The following DMD variants were observed in gnomAD, a reference collection of about 807,000 sequenced individuals.
The protein encoded by DMD is mutant dystrophin.
Under a neutral mutation model 330.1 loss-of-function variants are expected in DMD, and 63 were observed. The observed-to-expected ratio is 0.19, with a 90% confidence interval of 0.16 to 0.24. DMD has a LOEUF of 0.24. Among genes scored for constraint, DMD ranks in the 10% least tolerant of loss-of-function variants. DMD has a pLI of 1.00. For synonymous variants in DMD, 1,223 were observed against 959.8 expected, an observed-to-expected ratio of 1.27 and a Z score of -5.07; for missense variants, 3,344 against 2,684.1, an observed-to-expected ratio of 1.25 and a Z score of -5.43.
intron 29 of DMD, among the ~76,000 whole-genome samples, chrX:32,431,816 C>A (rs996777122): frequency 1.8e-5 from 2 of 110,884 alleles, no homozygotes; most frequent in East Asian, 5.7e-4. Context: ...AGTAAACTCA[C>A]CGTTCGTTGT....
At chrX:32,255,663 C>T (rs2048420040) in intron 43 of DMD, among the ~76,000 whole-genome samples, 1 of 112,075 alleles carries the variant, frequency 8.9e-6, no homozygotes, top group African/African-American at 3.2e-5. Flanking sequence ...TCTCGGCCTA[C>T]ATATGAGAAA....
rs780150319 is a variant in DMD at position 32,809,447 on chromosome X, A to C, written c.649+46T>G. 31 of 1,048,801 alleles carry C rather than the reference A, an allele frequency of 3.0e-5. No individual in the cohort carries two copies. In the South Asian group the frequency reaches 5.6e-4, roughly 19 times the overall value. 86.4% of individuals were successfully genotyped at this position (1,048,801 alleles called of 1,213,427 possible). On this transcript the variant is annotated intron_variant, in intron 7 of 78. Coordinates refer to ENST00000357033, the MANE Select transcript of DMD (RefSeq NM_004006.3). ...ATGACAAGTCTCAGATGAAAACATT[A>C]AACTCTACCATACTAAAAGCAGTGG...
At chrX:31,828,605 A>T (rs1342653545) in intron 49 of DMD, among the ~76,000 whole-genome samples, 1 of 105,163 alleles carries the variant, frequency 9.5e-6, no homozygotes, top group East Asian at 3.0e-4. Flanking sequence ...TGGAGGTTGC[A>T]GTGAGCCAAG....
intron 23 of DMD, among the ~76,000 whole-genome samples, chrX:32,467,649 T>TATATAC (rs1411191353): frequency 1.0e-5 from 1 of 95,950 alleles, no homozygotes; most frequent in South Asian, 4.7e-4. Flanking sequence ...TATATATATA[T>TATATAC]ACACACATAT....
At chrX:32,547,007 A>C (rs1274259605) in intron 16 of DMD, among the ~76,000 whole-genome samples, 1 of 110,558 alleles carries the variant, frequency 9.0e-6, no homozygotes, top group Admixed American at 9.8e-5. Context: ...CCATGAGAAA[A>C]CTTGCTTTGC....
chrX:32,839,735 T>A (rs1342607640), intron 4 of DMD, among the ~76,000 whole-genome samples: 4 of 111,411 alleles, frequency 3.6e-5, no homozygotes, highest in African/African-American at 1.3e-4. Flanking sequence ...AATGCATTTT[T>A]TTTTTTTCAC....
At chrX:31,379,407 C>T (rs1166874831) in intron 60 of DMD, among the ~76,000 whole-genome samples, 7 of 111,089 alleles carry the variant, frequency 6.3e-5, no homozygotes, top group Non-Finnish European at 1.3e-4. Context: ...TCTTTTTCAT[C>T]AAATAAAAAA....
At chrX:31,404,018 C>T (rs1315353871) in intron 60 of DMD, among the ~76,000 whole-genome samples, 2 of 109,984 alleles carry the variant, frequency 1.8e-5, no homozygotes, top group African/African-American at 6.7e-5. Flanking sequence ...ATTTCTCCCT[C>T]CCTTCCTACC....
At chrX:33,239,945 A>G (rs765671041) in intron 1 of DMD, among the ~76,000 whole-genome samples, 1 of 111,164 alleles carries the variant, frequency 9.0e-6, no homozygotes, top group African/African-American at 3.3e-5. Context: ...TACTGTATAA[A>G]ATTACCTCAA....
intron 9 of DMD, among the ~76,000 whole-genome samples, chrX:32,654,064 G>A (rs376890862): frequency 9.0e-6 from 1 of 111,703 alleles, no homozygotes; most frequent in Admixed American, 9.5e-5. Flanking sequence ...AGACAATGGG[G>A]TTTTCTAGAT....
chrX:31,540,896 C>T (rs2073762282), intron 55 of DMD, among the ~76,000 whole-genome samples: 1 of 112,109 alleles, frequency 8.9e-6, no homozygotes, highest in South Asian at 3.7e-4. Context: ...ATCTTAATTT[C>T]CAAAACTGTT....
chrX:32,297,707 A>T (rs1184025626), intron 42 of DMD, among the ~76,000 whole-genome samples: 1 of 112,087 alleles, frequency 8.9e-6, no homozygotes, highest in East Asian at 2.8e-4. Context: ...ACTCAGTTAG[A>T]TAGTGGTTAA....
chrX:32,936,001 C>A lies in DMD; in HGVS notation c.93+84138G>T, dbSNP rs191647959. ...AAAGGAAGAGGCAAGATTTAAAAGA[C>A]CTTATTAAGCTTTTAAAATGTTTTA... On this transcript the variant is annotated intron_variant, in intron 2 of 78. Transcript: ENST00000357033. Among the ~76,000 whole-genome samples the A allele has an allele frequency of 4.5e-5, 5 of 111,763 alleles. No individual in the cohort carries two copies. The East Asian group carries it at 8.4e-4, about 19-fold the overall frequency.
chrX:31,373,300 AC>A (rs2059698111), intron 60 of DMD, among the ~76,000 whole-genome samples: 1 of 104,180 alleles, frequency 9.6e-6, no homozygotes, highest in South Asian at 4.8e-4. Context: ...GACTTTCTTC[AC>A]AGAATTGGAA....
intron 1 of DMD, among the ~76,000 whole-genome samples, chrX:33,166,134 T>G (rs932483915): frequency 4.5e-5 from 5 of 111,112 alleles, no homozygotes; most frequent in African/African-American, 1.6e-4. Flanking sequence ...TCAAGAGAGA[T>G]CTCAGTAGTA....
chrX:31,660,990 T>G (rs777608518), intron 53 of DMD, among the ~76,000 whole-genome samples: 1 of 111,679 alleles, frequency 9.0e-6, no homozygotes, highest in Non-Finnish European at 1.9e-5. Flanking sequence ...ATGCCTAAAA[T>G]TATAAATTAT....
At chrX:32,321,663 C>A (rs760066053) in intron 41 of DMD, among the ~76,000 whole-genome samples, 2 of 111,473 alleles carry the variant, frequency 1.8e-5, no homozygotes, top group South Asian at 7.5e-4. Context: ...CAGATCAAAA[C>A]AACAACAACA....
chrX:32,634,200 C>T (rs2058934564), intron 11 of DMD, among the ~76,000 whole-genome samples: 1 of 111,870 alleles, frequency 8.9e-6, no homozygotes, highest in African/African-American at 3.3e-5. Context: ...GGGCCAAGGC[C>T]ACTTTGGCCA....
intron 60 of DMD, among the ~76,000 whole-genome samples, chrX:31,374,428 T>C (rs1292316256): frequency 1.8e-5 from 2 of 109,582 alleles, no homozygotes; most frequent in Non-Finnish European, 3.8e-5. Context: ...AACCCAAATG[T>C]CCAACAATGA....
Sources: allele counts gnomAD v4.1 joint callset (sites outside exome capture counted in the v4.1 genomes callset), GRCh38; gene constraint gnomAD v4.1.1; transcripts MANE v1.5; gene names NCBI Gene and HGNC (gene_info 2026-07-23, HGNC 2026-07-21).